The following SUGCT variants were observed in gnomAD, a reference collection of about 807,000 sequenced individuals.
The protein encoded by SUGCT is succinyl-CoA:glutarate-CoA transferase, also known as succinyl-CoA:glutarate CoA-transferase.
In SUGCT, 41 loss-of-function variants were observed where a neutral mutation model predicts 55.0. That is an observed-to-expected ratio of 0.74 (90% CI 0.58 to 0.97). The LOEUF is 0.97. Among genes scored for constraint, SUGCT ranks in the 50% least tolerant of loss-of-function variants. The pLI, the probability that SUGCT is intolerant of heterozygous loss-of-function variation, is 0.00. For synonymous variants in SUGCT, 187 were observed against 200.4 expected (o/e 0.93, Z 0.56); for missense variants, 568 against 547.8 (o/e 1.04, Z -0.37).
intron 12 of SUGCT, among the ~76,000 whole-genome samples, chr7:40,679,119 C>T (rs909738272): frequency 3.3e-5 from 5 of 152,162 alleles, no homozygotes; most frequent in Admixed American, 1.3e-4. Context: ...ATTCTTATGC[C>T]TCATTCTCTT....
At chr7:40,894,850 T>C in the SUGCT span, among the ~76,000 whole-genome samples, 3 of 152,328 alleles carry the variant, frequency 2.0e-5, no homozygotes, top group East Asian at 3.9e-4. Context: ...GGAACACTTA[T>C]ACACTGCTGG....
At chr7:40,624,772 A>AACACACACACAC (rs71791486) in intron 12 of SUGCT, among the ~76,000 whole-genome samples, 47 of 137,394 alleles carry the variant, frequency 3.4e-4, no homozygotes, top group African/African-American at 1.3e-3. Flanking sequence ...TTTCTGTGCA[A>AACACACACACAC]ACACACACAC....
intron 13 of SUGCT, among the ~76,000 whole-genome samples, chr7:40,838,787 G>A (rs1793126142): frequency 6.6e-6 from 1 of 152,058 alleles, no homozygotes; most frequent in Non-Finnish European, 1.5e-5. Flanking sequence ...GTACTTTGTT[G>A]AATAAGAGCG....
At chr7:40,549,133 C>G (rs543792771) in intron 12 of SUGCT, among the ~76,000 whole-genome samples, 31 of 152,194 alleles carry the variant, frequency 2.0e-4, no homozygotes, top group Non-Finnish European at 4.4e-4. Flanking sequence ...CTCCTATTTC[C>G]CACCCTATTC....
chr7:40,996,035 C>G, the SUGCT span, among the ~76,000 whole-genome samples: 1 of 152,128 alleles, frequency 6.6e-6, no homozygotes, highest in African/African-American at 2.4e-5. Context: ...ACATGTTTCT[C>G]CAGTGTGAGC....
chr7:40,652,570 A>G (rs1025436017), intron 12 of SUGCT, among the ~76,000 whole-genome samples: 1 of 152,162 alleles, frequency 6.6e-6, no homozygotes, highest in Admixed American at 6.6e-5. Flanking sequence ...ATCTCAGCCT[A>G]GCTCCAATTA....
At chr7:40,467,908 G>A (rs1790205527) in intron 11 of SUGCT, among the ~76,000 whole-genome samples, 1 of 150,814 alleles carries the variant, frequency 6.6e-6, no homozygotes, top group African/African-American at 2.4e-5. Context: ...ATAGGACTTA[G>A]GAATACATTT....
chr7:40,508,378 C>T (rs1367778120), intron 12 of SUGCT, among the ~76,000 whole-genome samples: 1 of 152,112 alleles, frequency 6.6e-6, no homozygotes, highest in African/African-American at 2.4e-5. Context: ...CTATGTCTGC[C>T]TAGAATATAG....
intron 13 of SUGCT, among the ~76,000 whole-genome samples, chr7:40,801,981 C>T (rs1037196428): frequency 9.9e-5 from 15 of 151,706 alleles, no homozygotes; most frequent in South Asian, 6.3e-4. Flanking sequence ...GCATGGCCAC[C>T]GAGAAACCCA....
intron 6 of SUGCT, among the ~76,000 whole-genome samples, chr7:40,196,581 A>G (rs1255232607): frequency 6.6e-6 from 1 of 152,202 alleles, no homozygotes; most frequent in African/African-American, 2.4e-5. Context: ...CCCTACCCAT[A>G]TGGTGACATT....
At chr7:40,958,362 G>A in the SUGCT span, among the ~76,000 whole-genome samples, 631 of 151,770 alleles carry the variant, frequency 4.2e-3, 2 homozygotes, top group African/African-American at 0.013. Flanking sequence ...GTTCATTCCT[G>A]TTCATTCTTT....
At chr7:40,900,081 C>T in the SUGCT span, among the ~76,000 whole-genome samples, 200 of 152,278 alleles carry the variant, frequency 1.3e-3, no homozygotes, top group African/African-American at 4.7e-3. Flanking sequence ...GCCTTCTCAG[C>T]GAAGCATTGG....
At chr7:40,344,040 C>G (rs540588092) in intron 9 of SUGCT, among the ~76,000 whole-genome samples, 1 of 152,280 alleles carries the variant, frequency 6.6e-6, no homozygotes, top group South Asian at 2.1e-4. Flanking sequence ...ATTCAACATA[C>G]TTTTGTATTC....
At chr7:40,249,317 A>C (rs539770465) in intron 7 of SUGCT, among the ~76,000 whole-genome samples, 282 of 21,462 alleles carry the variant, frequency 0.013, 18 homozygotes, top group African/African-American at 0.022. Flanking sequence ...AAAAAGCTAT[A>C]TATATATATA....
chr7:40,234,220 C>A (rs1356129955), intron 6 of SUGCT, among the ~76,000 whole-genome samples: 1 of 152,194 alleles, frequency 6.6e-6, no homozygotes, highest in Non-Finnish European at 1.5e-5. Context: ...TTAACTGAAA[C>A]TTAATTTCTT....
At chr7:41,018,908 C>CTTT in the SUGCT span, among the ~76,000 whole-genome samples, 2 of 141,642 alleles carry the variant, frequency 1.4e-5, no homozygotes, top group African/African-American at 2.6e-5. Flanking sequence ...CTAATATATT[C>CTTT]TTTTTTTTTT....
At chr7:40,451,656 A>G (rs1789197215) in intron 10 of SUGCT, among the ~76,000 whole-genome samples, 1 of 152,210 alleles carries the variant, frequency 6.6e-6, no homozygotes, top group Admixed American at 6.5e-5. Flanking sequence ...TATTTACATT[A>G]TTAGCTAAGC....
At chr7:41,008,005 T>C in the SUGCT span, among the ~76,000 whole-genome samples, 1 of 152,208 alleles carries the variant, frequency 6.6e-6, no homozygotes, top group Non-Finnish European at 1.5e-5. Context: ...AAACCCTTAA[T>C]TGCATATCCA....
the SUGCT span, among the ~76,000 whole-genome samples, chr7:40,927,905 AGT>A: frequency 9.2e-5 from 14 of 152,068 alleles, no homozygotes; most frequent in Non-Finnish European, 1.9e-4. Flanking sequence ...CATACATGAG[AGT>A]TTAGGTATAA....
Sources: gnomAD v4.1 joint callset for allele counts (sites outside exome capture counted in the v4.1 genomes callset) on GRCh38, gnomAD v4.1.1 for gene constraint, MANE v1.5 for transcripts, NCBI Gene and HGNC (gene_info 2026-07-23, HGNC 2026-07-21) for gene names.